Variants in INPP5F observed in about 807,000 individuals in gnomAD.
INPP5F encodes phosphatidylinositide 4-phosphatase SAC2.
In INPP5F, 97 loss-of-function variants were observed where a neutral mutation model predicts 137.2. The observed-to-expected ratio is 0.71, with a 90% CI of 0.60 to 0.84. INPP5F has a LOEUF of 0.84. INPP5F is among the 40% of genes least tolerant of loss of function. The pLI is 0.00. For missense variants in INPP5F, 1,271 were observed against 1,371.9 expected, an observed-to-expected ratio of 0.93 and a Z score of 1.16; for synonymous variants, 504 against 476.9, an observed-to-expected ratio of 1.06 and a Z score of -0.74.
intron 1 of INPP5F, among the ~76,000 whole-genome samples, chr10:119,749,398 T>A (rs886908073): frequency 6.6e-6 from 1 of 152,258 alleles, no homozygotes; most frequent in African/African-American, 2.4e-5. Context: ...TTATTAGCGC[T>A]GCAGTTTGGT....
intron 1 of INPP5F, 93 bp from the exon 2 acceptor site, chr10:119,750,983 A>G: frequency 1.2e-6 from 1 of 804,266 alleles, no homozygotes; most frequent in Middle Eastern, 3.3e-4. Flanking sequence ...CTTTTTTGGG[A>G]CATTGATTTT....
rs992569525 is a variant in INPP5F at position 119,726,341 on chromosome 10, G to T, written c.79G>T (p.Gly27Cys). Residue 27 changes from glycine (G) to cysteine (C), a missense_variant, in exon 1 of 20, where the codon GGC (glycine) becomes TGC (cysteine). Gly to Cys is a radical substitution (Grantham distance 159). Transcript: ENST00000650623. The stretch of plus-strand genomic sequence containing the variant: ...GCTGTGGTGCAGCCGCCGCGACGGC[G>T]GCCTCCAGCTCCGACCCGGTGAGGC... ...RALWCSRRDG[G>C]LQLRPATDLL... 3 of 1,461,528 alleles carry T rather than the reference G, an allele frequency of 2.1e-6. No individual in the cohort carries two copies. The African/African-American group carries it at 4.4e-5, about 21-fold the overall frequency. 90.5% of individuals were successfully genotyped at this position (1,461,528 alleles called of 1,614,324 possible). A position where few individuals can be genotyped will look rare whatever the true frequency, so the allele number is the denominator to read the frequency against.
At chr10:119,778,336 A>G (rs1173315663) in intron 2 of INPP5F, among the ~76,000 whole-genome samples, 1 of 152,128 alleles carries the variant, frequency 6.6e-6, no homozygotes, top group Admixed American at 6.5e-5. Context: ...ATTGTTTTAT[A>G]TGGGAAATAT....
At chr10:119,730,363 G>T (rs939703306) in intron 1 of INPP5F, among the ~76,000 whole-genome samples, 1 of 152,204 alleles carries the variant, frequency 6.6e-6, no homozygotes, top group African/African-American at 2.4e-5. Context: ...ACCCTCCCCG[G>T]CCTCCCGAAG....
At chr10:119,820,160 A>G (rs1851497555) in intron 15 of INPP5F, among the ~76,000 whole-genome samples, 1 of 152,216 alleles carries the variant, frequency 6.6e-6, no homozygotes, top group Non-Finnish European at 1.5e-5. Context: ...TCTTATTGGT[A>G]ATTTTACAAG....
chr10:119,752,797 T>C (rs1021282835), intron 2 of INPP5F, among the ~76,000 whole-genome samples: 2 of 152,032 alleles, frequency 1.3e-5, no homozygotes, highest in African/African-American at 4.8e-5. Flanking sequence ...TAAATGATAT[T>C]AAGTTGTTTT....
intron 1 of INPP5F, among the ~76,000 whole-genome samples, chr10:119,737,763 T>C (rs1848257049): frequency 6.6e-6 from 1 of 152,264 alleles, no homozygotes; most frequent in South Asian, 2.1e-4. Context: ...ATTGGAACTT[T>C]TAGTTTCTCA....
At chr10:119,800,351 T>G (rs1850538337) in intron 9 of INPP5F, among the ~76,000 whole-genome samples, 1 of 150,182 alleles carries the variant, frequency 6.7e-6, no homozygotes, top group Non-Finnish European at 1.5e-5. Flanking sequence ...GTCAGGAGTT[T>G]GAGACCACCC....
At chr10:119,823,331 T>C (rs1851634432) in intron 18 of INPP5F, 132 bp downstream of exon 18, 1 of 799,540 alleles carries the variant, frequency 1.3e-6, no homozygotes, top group Admixed American at 3.1e-5. Context: ...CTTTGGAATA[T>C]GAGACCTTGA....
intron 9 of INPP5F, among the ~76,000 whole-genome samples, chr10:119,800,711 C>T (rs1390833001): frequency 6.6e-6 from 1 of 151,848 alleles, no homozygotes; most frequent in Non-Finnish European, 1.5e-5. Context: ...AAATTAAAGC[C>T]GCTACTCAAC....
intron 1 of INPP5F, among the ~76,000 whole-genome samples, chr10:119,739,639 A>AT (rs1293443015): frequency 3.3e-5 from 5 of 151,678 alleles, no homozygotes; most frequent in South Asian, 2.1e-4. Context: ...TTATTTCTTT[A>AT]TTTTTTTTGA....
At chr10:119,811,979 G>T in intron 15 of INPP5F, 24 bp downstream of exon 15, 1 of 1,593,602 alleles carries the variant, frequency 6.3e-7, no homozygotes, top group South Asian at 1.1e-5. Flanking sequence ...GTGTCCAGGT[G>T]ACCAGCTTGC....
At chr10:119,820,721 T>C in intron 15 of INPP5F, 125 bp from the exon 16 acceptor site, 1 of 688,406 alleles carries the variant, frequency 1.5e-6, no homozygotes, top group Non-Finnish European at 2.7e-6. Context: ...ACTCATTGAT[T>C]ACCTTCTTCT....
chr10:119,792,351 A>G, intron 6 of INPP5F, 138 bp downstream of exon 6: 7 of 672,368 alleles, frequency 1.0e-5, no homozygotes, highest in Middle Eastern at 4.1e-4. Flanking sequence ...GTTTTCCCCT[A>G]TGGAATGGGA....
At chr10:119,735,532 A>G (rs1848193080) in intron 1 of INPP5F, among the ~76,000 whole-genome samples, 1 of 152,236 alleles carries the variant, frequency 6.6e-6, no homozygotes. Flanking sequence ...AGTAATTTGC[A>G]GGTATAATAT....
intron 2 of INPP5F, among the ~76,000 whole-genome samples, chr10:119,761,775 A>G (rs1849017465): frequency 6.6e-6 from 1 of 152,324 alleles, no homozygotes; most frequent in Admixed American, 6.5e-5. Flanking sequence ...ATACCAATGA[A>G]GTAGGTTTTA....
chr10:119,769,443 A>AT (rs1017405720), intron 2 of INPP5F, among the ~76,000 whole-genome samples: 2 of 152,036 alleles, frequency 1.3e-5, no homozygotes, highest in African/African-American at 4.8e-5. Context: ...GTGATGTTTA[A>AT]TTTTTTGTGT....
chr10:119,796,554 G>A (rs1182760877), intron 6 of INPP5F, among the ~76,000 whole-genome samples, 161 bp from the exon 7 acceptor site: 4 of 152,166 alleles, frequency 2.6e-5, no homozygotes, highest in South Asian at 2.1e-4. Context: ...TCCTCTGTCC[G>A]TTCCTTACGT....
intron 2 of INPP5F, among the ~76,000 whole-genome samples, chr10:119,753,677 A>G (rs1848751481): frequency 6.6e-6 from 1 of 152,154 alleles, no homozygotes; most frequent in African/African-American, 2.4e-5. Flanking sequence ...AAGGGCCTGT[A>G]TGTCTTAAGT....
Sources: allele counts gnomAD v4.1 joint callset (sites outside exome capture counted in the v4.1 genomes callset), GRCh38; gene constraint gnomAD v4.1.1; transcripts MANE v1.5; gene names NCBI Gene and HGNC (gene_info 2026-07-23, HGNC 2026-07-21).